GABRG3: variants seen among roughly 807,000 people sequenced by gnomAD.
The protein encoded by GABRG3 is gamma-aminobutyric acid type A receptor subunit gamma3, also known as gamma-aminobutyric acid receptor subunit gamma-3.
A neutral mutation model predicts 48.8 loss-of-function variants in GABRG3; 25 were observed. The observed-to-expected ratio is 0.51, with a 90% confidence interval of 0.37 to 0.72. The LOEUF (loss-of-function observed/expected upper bound fraction) is 0.72, where lower values mean the gene tolerates loss of function less well. Among genes scored for constraint, GABRG3 ranks in the 30% least tolerant of loss-of-function variants. The pLI, the probability that GABRG3 is intolerant of heterozygous loss-of-function variation, is 0.00. For missense variants in GABRG3, 394 were observed against 577.9 expected, an observed-to-expected ratio of 0.68 and a Z score of 3.26; for synonymous variants, 227 against 217.6, an observed-to-expected ratio of 1.04 and a Z score of -0.38.
At chr15:27,518,277 G>A (rs1891074580) in intron 6 of GABRG3, among the ~76,000 whole-genome samples, 1 of 149,716 alleles carries the variant, frequency 6.7e-6, no homozygotes, top group Non-Finnish European at 1.5e-5. Flanking sequence ...GCTGGGGCAA[G>A]AGAATTGCTT....
At chr15:27,220,119 T>A (rs1009378894) in intron 3 of GABRG3, among the ~76,000 whole-genome samples, 1 of 152,136 alleles carries the variant, frequency 6.6e-6, no homozygotes, top group Non-Finnish European at 1.5e-5. Flanking sequence ...TCTTGATGGC[T>A]TACAGGCAAG....
At position 27,039,017 on chromosome 15, in the gene GABRG3, G is replaced by T. The variant is rs559413959; in HGVS notation, c.270+12196G>T. On this transcript the variant is annotated intron_variant, in intron 3 of 9. Transcript: ENST00000615808. ...TTTTATTCAGGACTATTGCAAAAAA[G>T]ACTCCAGTGAAGAGCTGGGTTGGGC... 6.9e-3 allele frequency among the ~76,000 whole-genome samples: 1,054 copies of T among 152,300 alleles called. 10 individuals are homozygous for T. Among genetic ancestry groups the T allele is most frequent in the African/African-American group, 0.024 (1,007 of 41,572 alleles).
At chr15:27,234,003 A>G (rs1333448881) in intron 3 of GABRG3, among the ~76,000 whole-genome samples, 2 of 152,178 alleles carry the variant, frequency 1.3e-5, no homozygotes, top group African/African-American at 2.4e-5. Flanking sequence ...TAATTCAGAC[A>G]ATCACCTATG....
intron 3 of GABRG3, among the ~76,000 whole-genome samples, chr15:27,090,660 TA>T (rs1038290772): frequency 2.0e-5 from 3 of 152,196 alleles, no homozygotes; most frequent in Admixed American, 6.5e-5. Flanking sequence ...ATTTGTGTTT[TA>T]AAAAAATGTT....
intron 6 of GABRG3, chr15:27,483,251 C>T (rs1890140522): frequency 6.6e-6 from 1 of 152,164 alleles, no homozygotes; most frequent in South Asian, 2.1e-4. Context: ...TGCTCCAGGC[C>T]TCTCTCGTCG....
chr15:27,212,490 A>G (rs1030412148), intron 3 of GABRG3, among the ~76,000 whole-genome samples: 5 of 152,174 alleles, frequency 3.3e-5, no homozygotes, highest in Admixed American at 3.3e-4. Context: ...GAAATCCTTT[A>G]CACTATTATT....
intron 2 of GABRG3, among the ~76,000 whole-genome samples, chr15:27,005,905 C>G (rs990619464): frequency 2.0e-5 from 3 of 152,102 alleles, no homozygotes; most frequent in Non-Finnish European, 4.4e-5. Context: ...CCAAAGGATG[C>G]AAACTTTCCA....
intron 3 of GABRG3, among the ~76,000 whole-genome samples, chr15:27,251,063 A>T (rs1055266423): frequency 6.6e-6 from 1 of 152,184 alleles, no homozygotes; most frequent in African/African-American, 2.4e-5. Flanking sequence ...TCTGACGTGA[A>T]TCGACTGCCA....
chr15:26,973,756 AC>A (rs1806146113), intron 1 of GABRG3, among the ~76,000 whole-genome samples: 1 of 152,212 alleles, frequency 6.6e-6, no homozygotes, highest in African/African-American at 2.4e-5. Flanking sequence ...AATACTTCAG[AC>A]TTTTTCTCTG....
intron 3 of GABRG3, among the ~76,000 whole-genome samples, chr15:27,302,829 A>G (rs1892257497): frequency 6.6e-6 from 1 of 152,004 alleles, no homozygotes; most frequent in South Asian, 2.1e-4. Context: ...AACACAACAG[A>G]AAAATATCGA....
intron 3 of GABRG3, among the ~76,000 whole-genome samples, chr15:27,073,282 A>C (rs568295088): frequency 9.7e-4 from 147 of 152,272 alleles, no homozygotes; most frequent in Non-Finnish European, 1.9e-3. Context: ...AGAGGAGGGG[A>C]CCCCTGGTGC....
chr15:27,373,364 A>G (rs575782215), intron 5 of GABRG3, among the ~76,000 whole-genome samples: 42 of 152,346 alleles, frequency 2.8e-4, no homozygotes, highest in African/African-American at 8.7e-4. Context: ...AGGCATTTGT[A>G]GAAAATTGAA....
chr15:27,029,847 G>T (rs992753289), intron 3 of GABRG3, among the ~76,000 whole-genome samples: 5 of 152,154 alleles, frequency 3.3e-5, no homozygotes, highest in African/African-American at 1.2e-4. Flanking sequence ...ACTTCTGGAA[G>T]AATGAGTGTT....
rs551002646 is a variant in GABRG3 at position 27,540,491 on chromosome 15, A to G, written c.*7610A>G. On this transcript the variant is annotated 3_prime_UTR_variant, in exon 10 of 10. Coordinates refer to ENST00000615808, the MANE Select transcript of GABRG3 (RefSeq NM_033223.5). ...CCTGGCATTTTTACTTTGAATAGAA[A>G]TAGTCACAGGCAAAATATATTCATG... 11 of 152,334 alleles carry G rather than the reference A, an allele frequency of 7.2e-5. No individual in the cohort carries two copies. The East Asian group carries it at 1.9e-3, about 27-fold the overall frequency. 9.4% of individuals were successfully genotyped at this position (152,334 alleles called of 1,614,324 possible).
intron 3 of GABRG3, among the ~76,000 whole-genome samples, chr15:27,209,425 TGTTGCCCA>T (rs1234098842): frequency 1.3e-5 from 2 of 152,036 alleles, no homozygotes; most frequent in Admixed American, 1.3e-4. Flanking sequence ...ACTCTTCTTC[TGTTGCCCA>T]GGCTGGAGTG....
chr15:26,985,413 A>T (rs1895133042), intron 2 of GABRG3, among the ~76,000 whole-genome samples: 1 of 152,246 alleles, frequency 6.6e-6, no homozygotes, highest in Admixed American at 6.5e-5. Context: ...ATAGGTCAGG[A>T]GTTAGTTTTG....
rs1159244551 is a variant in GABRG3 at position 27,308,383 on chromosome 15, A to G, written c.271-18426A>G. On this transcript the variant is annotated intron_variant, in intron 3 of 9. Transcript: ENST00000615808. ...TATATAAACATATAAACATTTGTTTATATATAAACATATAATATAAACATA... is the reference window on the plus strand; with the variant it reads ...TATATAAACATATAAACATTTGTTTGTATATAAACATATAATATAAACATA... Among the ~76,000 whole-genome samples, 8 of 145,028 alleles carry G rather than the reference A, an allele frequency of 5.5e-5. 1 individual carries two copies. Among genetic ancestry groups the G allele is most frequent in the East Asian group, 2.2e-4 (1 of 4,620 alleles).
intron 2 of GABRG3, among the ~76,000 whole-genome samples, chr15:27,003,836 C>T: frequency 6.7e-6 from 1 of 149,054 alleles, no homozygotes; most frequent in East Asian, 2.1e-4. Flanking sequence ...GACGGGGTGG[C>T]TGGCCGGGCG....
In GABRG3 at chr15:27,356,895, G is replaced by T. The variant is rs75351116; in HGVS notation, c.574+28007G>T. On this transcript the variant is annotated intron_variant, in intron 5 of 9. Transcript: ENST00000615808. Reference sequence around the variant, plus strand: ...AACCCTATAGGTTTATTTAATGTCTGCAGGTAAGCAATGAAGTAAATATTT... The same window carrying T: ...AACCCTATAGGTTTATTTAATGTCTTCAGGTAAGCAATGAAGTAAATATTT... Among the ~76,000 whole-genome samples, 344 of 152,314 alleles carry T rather than the reference G, an allele frequency of 2.3e-3. 1 individual carries two copies. Among genetic ancestry groups the T allele is most frequent in the African/African-American group, 7.9e-3 (328 of 41,560 alleles).
Sources: gnomAD v4.1 joint callset for allele counts (sites outside exome capture counted in the v4.1 genomes callset) on GRCh38, gnomAD v4.1.1 for gene constraint, MANE v1.5 for transcripts, NCBI Gene and HGNC (gene_info 2026-07-23, HGNC 2026-07-21) for gene names.